The following TYR variants were observed in gnomAD, a reference collection of about 807,000 sequenced individuals.
TYR encodes tyrosinase, also known as LB24-AB.
TYR carries 58 observed loss-of-function variants against 51.5 expected under a neutral mutation model. The observed-to-expected ratio is 1.13, with a 90% confidence interval of 0.91 to 1.40. TYR has a LOEUF of 1.40. Among genes scored for constraint, TYR ranks in the 40% most tolerant of loss-of-function variants. TYR has a pLI of 0.00. For missense variants in TYR, 732 were observed against 647.4 expected (o/e 1.13, Z -1.42); for synonymous variants, 263 against 235.2 (o/e 1.12, Z -1.08).
intron 3 of TYR, among the ~76,000 whole-genome samples, chr11:89,229,396 T>C (rs1008130614): frequency 3.6e-4 from 54 of 152,012 alleles, no homozygotes; most frequent in African/African-American, 1.3e-3. Context: ...AAAGATAAAT[T>C]GAACGCTTTT....
chr11:89,198,166 A>G (rs996857416), intron 2 of TYR, among the ~76,000 whole-genome samples: 3 of 152,108 alleles, frequency 2.0e-5, no homozygotes, highest in Non-Finnish European at 4.4e-5. Flanking sequence ...TCCATAGGTA[A>G]TCTAGTTTTC....
chr11:89,211,985 A>G (rs934733391), intron 2 of TYR, among the ~76,000 whole-genome samples: 1 of 152,202 alleles, frequency 6.6e-6, no homozygotes, highest in Non-Finnish European at 1.5e-5. Context: ...AATGCCCACA[A>G]GAGAAAGCAG....
At chr11:89,186,307 G>A (rs954962065) in intron 1 of TYR, among the ~76,000 whole-genome samples, 3 of 152,196 alleles carry the variant, frequency 2.0e-5, no homozygotes, top group African/African-American at 7.2e-5. Flanking sequence ...ATGATCTGTG[G>A]TCTTGGTGTT....
intron 3 of TYR, among the ~76,000 whole-genome samples, chr11:89,235,481 A>G (rs1400467355): frequency 6.6e-6 from 1 of 152,210 alleles, no homozygotes; most frequent in Non-Finnish European, 1.5e-5. Flanking sequence ...ACAATGAAAT[A>G]CTATTTACCA....
At chr11:89,275,342 A>G (rs1245701498) in intron 3 of TYR, among the ~76,000 whole-genome samples, 2 of 151,832 alleles carry the variant, frequency 1.3e-5, no homozygotes, top group East Asian at 3.9e-4. Context: ...CCTAATTACT[A>G]ATTTCTTGCA....
rs1590876505 is a variant in TYR, at chr11:89,247,056, T to A, written c.1184+19086T>A. The stretch of plus-strand genomic sequence containing the variant: ...CTTTAAAAACTGCTCCCTGATTTGT[T>A]CTCTAAAGCAGAATTAATGCCCTAG... On this transcript the variant is annotated intron_variant, in intron 3 of 4. Transcript: ENST00000263321. Among the ~76,000 whole-genome samples the A allele has an allele frequency of 2.6e-5, 4 of 152,316 alleles. No individual in the cohort carries two copies. The East Asian group carries it at 5.8e-4, about 22-fold the overall frequency.
chr11:89,262,467 T>G (rs1944468619), intron 3 of TYR, among the ~76,000 whole-genome samples: 1 of 150,162 alleles, frequency 6.7e-6, no homozygotes, highest in Admixed American at 6.6e-5. Context: ...TAAACTCAAA[T>G]AAGAAGAAAG....
Position 89,266,510 on chromosome 11 carries a change from T to A in TYR, c.1185-18263T>A, listed in dbSNP as rs1369052624. ...CCATCATATGTATTGGTCCCCTGCC[T>A]CTAATCCCTCCAACAACAACAACAA... is the stretch of plus-strand genomic sequence containing the variant. On this transcript the variant is annotated intron_variant, in intron 3 of 4. Transcript: ENST00000263321. Among the ~76,000 whole-genome samples the A allele has an allele frequency of 2.0e-5, 3 of 152,034 alleles. No homozygotes were observed. The East Asian group carries it at 5.8e-4, about 30-fold the overall frequency.
chr11:89,265,400 C>T (rs186758310), intron 3 of TYR, among the ~76,000 whole-genome samples: 178 of 152,170 alleles, frequency 1.2e-3, no homozygotes, highest in African/African-American at 4.0e-3. Flanking sequence ...CGCCACTTGG[C>T]TGTGGAGTGA....
chr11:89,231,044 G>A (rs981429083), intron 3 of TYR, among the ~76,000 whole-genome samples: 7 of 151,440 alleles, frequency 4.6e-5, no homozygotes, highest in African/African-American at 9.7e-5. Context: ...GGTGGCAGAC[G>A]CATGTAATCC....
Position 89,191,094 on chromosome 11 carries a change from T to C in TYR, c.820-108T>C. 3.2e-6 allele frequency: 3 copies of C among 933,380 alleles called. No individual in the cohort carries two copies. In the South Asian group the frequency reaches 4.2e-5, roughly 13 times the overall value. The allele number at this position is 933,380 out of a possible 1,614,324, so 57.8% of individuals were successfully genotyped here. A position where few individuals can be genotyped will look rare whatever the true frequency, so the allele number is the denominator to read the frequency against. ...TTAAAGACACATGATTGTAGTAATC[T>C]CCTCAGGAGAAGTCTAACAACGATA... On this transcript the variant is annotated intron_variant, in intron 1 of 4. Transcript: ENST00000263321.
intron 3 of TYR, among the ~76,000 whole-genome samples, chr11:89,274,787 T>A (rs1565420214): frequency 6.6e-6 from 1 of 151,792 alleles, no homozygotes; most frequent in African/African-American, 2.4e-5. Context: ...CTTTCCCCTC[T>A]TTTGTGTTCA....
At chr11:89,184,581 G>C (rs534156523) in intron 1 of TYR, among the ~76,000 whole-genome samples, 1 of 152,084 alleles carries the variant, frequency 6.6e-6, no homozygotes, top group Non-Finnish European at 1.5e-5. Context: ...AACAGTTCTA[G>C]TTCTCAATTA....
In TYR at chr11:89,207,306, G is replaced by A. The variant is rs563142432; in HGVS notation, c.1036+15888G>A. ...AAGGGATATCAATACAGATCTTGCA[G>A]ACATCAAAAGGGTAATAAAAGCGTA... On this transcript the variant is annotated intron_variant, in intron 2 of 4. Transcript: ENST00000263321. Among the ~76,000 whole-genome samples the A allele has an allele frequency of 1.1e-4, 17 of 152,218 alleles. 1 individual carries two copies. The South Asian group carries it at 3.5e-3, about 32-fold the overall frequency.
chr11:89,242,520 CTT>C (rs1944211909), intron 3 of TYR, among the ~76,000 whole-genome samples: 1 of 151,932 alleles, frequency 6.6e-6, no homozygotes, highest in African/African-American at 2.4e-5. Context: ...TCTTTATTGA[CTT>C]TATAGCACAT....
intron 3 of TYR, among the ~76,000 whole-genome samples, chr11:89,283,171 G>T (rs1944738495): frequency 6.6e-6 from 1 of 151,726 alleles, no homozygotes; most frequent in African/African-American, 2.4e-5. Flanking sequence ...CATTTGGTAT[G>T]CATGGACCAG....
intron 2 of TYR, among the ~76,000 whole-genome samples, chr11:89,203,264 T>C (rs1943624214): frequency 6.6e-6 from 1 of 152,176 alleles, no homozygotes; most frequent in African/African-American, 2.4e-5. Context: ...AAGTCTACTA[T>C]TCCAAATTCA....
intron 3 of TYR, among the ~76,000 whole-genome samples, chr11:89,271,993 C>T (rs1432059005): frequency 1.3e-5 from 2 of 151,840 alleles, no homozygotes; most frequent in Non-Finnish European, 2.9e-5. Context: ...GGTGCAATTT[C>T]CCCCACATCT....
intron 3 of TYR, among the ~76,000 whole-genome samples, chr11:89,266,926 A>G (rs1268741027): frequency 6.6e-6 from 1 of 151,922 alleles, no homozygotes; most frequent in East Asian, 1.9e-4. Context: ...CAAGTGTTAG[A>G]GTTTGTGTCT....
Sources: gnomAD v4.1 joint callset for allele counts (sites outside exome capture counted in the v4.1 genomes callset) on GRCh38, gnomAD v4.1.1 for gene constraint, MANE v1.5 for transcripts, NCBI Gene and HGNC (gene_info 2026-07-23, HGNC 2026-07-21) for gene names.